The following EXOC4 variants were observed in gnomAD, a reference collection of about 807,000 sequenced individuals.
EXOC4 encodes the protein SEC8-like 1.
A neutral mutation model predicts 107.2 loss-of-function variants in EXOC4; 71 were observed. The observed-to-expected ratio is 0.66, with a 90% confidence interval of 0.55 to 0.81. The LOEUF (loss-of-function observed/expected upper bound fraction) is 0.81. EXOC4 is among the 30% of genes least tolerant of loss of function. EXOC4 has a pLI of 0.00. For missense variants in EXOC4, 1,108 were observed against 1,189.6 expected, an observed-to-expected ratio of 0.93 and a Z score of 1.01; for synonymous variants, 456 against 441.2, an observed-to-expected ratio of 1.03 and a Z score of -0.42.
intron 5 of EXOC4, among the ~76,000 whole-genome samples, chr7:133,341,915 ATG>A (rs1336015468): frequency 1.3e-5 from 2 of 152,054 alleles, no homozygotes; most frequent in Non-Finnish European, 2.9e-5. Flanking sequence ...CCTTAGATTT[ATG>A]TGAGTTCTTA....
chr7:134,053,170 G>A (rs1049900989), intron 17 of EXOC4, among the ~76,000 whole-genome samples: 2 of 151,714 alleles, frequency 1.3e-5, no homozygotes, highest in Non-Finnish European at 2.9e-5. Context: ...CCCGGGAGGC[G>A]GAGCTTGCAG....
At chr7:133,767,859 T>C (rs1388122156) in intron 10 of EXOC4, among the ~76,000 whole-genome samples, 2 of 151,974 alleles carry the variant, frequency 1.3e-5, no homozygotes, top group Non-Finnish European at 2.9e-5. Context: ...CAAGGCATAG[T>C]CCTTCCCGTG....
At chr7:133,381,966 CT>C (rs1451605390) in intron 7 of EXOC4, among the ~76,000 whole-genome samples, 1 of 152,098 alleles carries the variant, frequency 6.6e-6, no homozygotes, top group African/African-American at 2.4e-5. Flanking sequence ...AACAAGAACT[CT>C]GGGGGCGGGA....
At chr7:133,380,451 A>G (rs773081334) in intron 7 of EXOC4, among the ~76,000 whole-genome samples, 10 of 151,750 alleles carry the variant, frequency 6.6e-5, no homozygotes, top group Non-Finnish European at 1.3e-4. Context: ...TCACAATCAT[A>G]TCATTTTAGA....
intron 14 of EXOC4, among the ~76,000 whole-genome samples, chr7:133,950,689 A>G (rs1800669605): frequency 6.6e-6 from 1 of 152,244 alleles, no homozygotes; most frequent in South Asian, 2.1e-4. Context: ...CAAAATATTC[A>G]TTTTAAGATT....
At chr7:133,317,937 C>T (rs1408605388) in intron 5 of EXOC4, among the ~76,000 whole-genome samples, 2 of 151,944 alleles carry the variant, frequency 1.3e-5, no homozygotes, top group East Asian at 1.9e-4. Flanking sequence ...GCATTACAGG[C>T]GTGAGCCACC....
intron 11 of EXOC4, among the ~76,000 whole-genome samples, chr7:133,842,016 G>A (rs946586191): frequency 1.3e-5 from 2 of 152,136 alleles, no homozygotes; most frequent in African/African-American, 2.4e-5. Flanking sequence ...GTATTCCACG[G>A]TGTATATGTA....
At chr7:134,096,808 G>T in the EXOC4 span, among the ~76,000 whole-genome samples, 3 of 152,020 alleles carry the variant, frequency 2.0e-5, no homozygotes, top group Non-Finnish European at 4.4e-5. Flanking sequence ...TGATCAGATG[G>T]TGCCCACCCA....
intron 11 of EXOC4, among the ~76,000 whole-genome samples, chr7:133,863,040 CAT>C (rs1798567929): frequency 6.6e-6 from 1 of 152,114 alleles, no homozygotes; most frequent in Admixed American, 6.6e-5. Flanking sequence ...TAATAATAAA[CAT>C]TGCTGAAGTT....
chr7:133,981,286 C>T (rs1793972909), intron 14 of EXOC4, among the ~76,000 whole-genome samples: 1 of 152,038 alleles, frequency 6.6e-6, no homozygotes, highest in African/African-American at 2.4e-5. Flanking sequence ...AAGATTCTGC[C>T]TATTTTCCTC....
intron 10 of EXOC4, among the ~76,000 whole-genome samples, chr7:133,785,642 A>T (rs1162600710): frequency 2.0e-5 from 3 of 151,758 alleles, no homozygotes; most frequent in Non-Finnish European, 2.9e-5. Context: ...AGAGGAAGAG[A>T]TGGAAGACAG....
intron 7 of EXOC4, among the ~76,000 whole-genome samples, chr7:133,439,182 C>CTTTTTTTTTTTTTTTTTTTTTTTT: frequency 1.1e-5 from 1 of 94,068 alleles, no homozygotes; most frequent in Non-Finnish European, 1.9e-5. Flanking sequence ...TTCATCAGTT[C>CTTTTTTTTTTTTTTTTTTTTTTTT]TTTTTTTTTT....
intron 7 of EXOC4, among the ~76,000 whole-genome samples, chr7:133,409,423 G>C (rs1178429715): frequency 1.3e-5 from 2 of 152,136 alleles, no homozygotes; most frequent in African/African-American, 4.8e-5. Context: ...AAGCAATCAT[G>C]TGAAGTATCA....
intron 17 of EXOC4, among the ~76,000 whole-genome samples, chr7:134,063,584 G>C (rs1467467265): frequency 6.6e-6 from 1 of 152,118 alleles, no homozygotes; most frequent in African/African-American, 2.4e-5. Flanking sequence ...CAGTGCTCGG[G>C]AATGAACTTG....
At chr7:133,358,524 A>G (rs1796072426) in intron 6 of EXOC4, among the ~76,000 whole-genome samples, 1 of 152,080 alleles carries the variant, frequency 6.6e-6, no homozygotes, top group Admixed American at 6.6e-5. Flanking sequence ...GGTTCTTTGA[A>G]CTTTTGCCTT....
At chr7:133,598,390 G>C (rs1801731147) in intron 9 of EXOC4, among the ~76,000 whole-genome samples, 2 of 152,208 alleles carry the variant, frequency 1.3e-5, no homozygotes, top group South Asian at 4.1e-4. Context: ...AATGATGTCT[G>C]ATGTTCTAGA....
At chr7:133,845,876 G>A (rs1798116251) in intron 11 of EXOC4, among the ~76,000 whole-genome samples, 1 of 152,150 alleles carries the variant, frequency 6.6e-6, no homozygotes, top group Non-Finnish European at 1.5e-5. Flanking sequence ...TTTTCAGGGA[G>A]AATGTTGTGT....
intron 12 of EXOC4, among the ~76,000 whole-genome samples, chr7:133,904,168 T>A (rs1799517095): frequency 2.6e-5 from 4 of 152,148 alleles, no homozygotes. Context: ...TTTATGTGTT[T>A]TTTAAGTCGA....
the EXOC4 span, among the ~76,000 whole-genome samples, chr7:134,095,918 A>G: frequency 6.6e-6 from 1 of 152,210 alleles, no homozygotes; most frequent in Non-Finnish European, 1.5e-5. Context: ...GAAATAATTT[A>G]TGACTAAGTC....
Sources: gnomAD v4.1 joint callset for allele counts (sites outside exome capture counted in the v4.1 genomes callset) on GRCh38, gnomAD v4.1.1 for gene constraint, MANE v1.5 for transcripts, NCBI Gene and HGNC (gene_info 2026-07-23, HGNC 2026-07-21) for gene names.